The following LDHAL6A variants were observed in gnomAD, a reference collection of about 807,000 sequenced individuals.
LDHAL6A encodes the protein lactate dehydrogenase A like 6A.
Under a neutral mutation model 28.2 loss-of-function variants are expected in LDHAL6A, and 19 were observed. The ratio of observed to expected loss-of-function variants is 0.67; its 90% CI spans 0.47 to 0.99. The LOEUF is 0.99. Ranked by LOEUF, LDHAL6A falls within the 50% of genes least tolerant of loss-of-function variation. The pLI is 0.00. For missense variants in LDHAL6A, 372 were observed against 398.6 expected, an observed-to-expected ratio of 0.93 and a Z score of 0.57; for synonymous variants, 144 against 134.4, an observed-to-expected ratio of 1.07 and a Z score of -0.49.
Position 18,478,969 on chromosome 11 carries a change from A to AATTC in LDHAL6A, c.*100_*101insTTCA. ...TAAATTTGAATTTCTAAAAGTTGGAAAAATAGAGGAAAGAGTGACCTATTT... is the reference window on the plus strand; with the variant it reads ...TAAATTTGAATTTCTAAAAGTTGGAAATTCAAATAGAGGAAAGAGTGACCTATTT... On this transcript the variant is annotated 3_prime_UTR_variant, in exon 7 of 7. Transcript: ENST00000280706. 9.3e-7 allele frequency: 1 copy of AATTC among 1,079,786 alleles called. No homozygotes were observed. Among genetic ancestry groups the AATTC allele is most frequent in the Non-Finnish European group, 1.3e-6 (1 of 750,980 alleles). 66.9% of individuals were successfully genotyped at this position (1,079,786 alleles called of 1,614,324 possible). A position where few individuals can be genotyped will look rare whatever the true frequency, so the allele number is the denominator to read the frequency against.
rs201292298 is a variant in LDHAL6A at position 18,478,702 on chromosome 11, T to G, written c.835-4T>G. 1 of 1,600,534 alleles carries G rather than the reference T, an allele frequency of 6.2e-7. No individual in the cohort carries two copies. The highest frequency in any genetic ancestry group is 1.8e-5 in the Admixed American group (1 of 56,432). ...AGGAATAATTTTTAAGTCTTTACTT[T>G]CAGGGCCTCTATGGAATAAATGAAG... is the stretch of plus-strand genomic sequence containing the variant. On this transcript the variant is annotated splice_polypyrimidine_tract_variant and splice_region_variant and intron_variant, in intron 6 of 6. Coordinates refer to ENST00000280706, the MANE Select transcript of LDHAL6A (RefSeq NM_144972.5).
At chr11:18,463,519 T>G (rs1848977529) in intron 1 of LDHAL6A, among the ~76,000 whole-genome samples, 1 of 152,204 alleles carries the variant, frequency 6.6e-6, no homozygotes, top group African/African-American at 2.4e-5. Flanking sequence ...AGATACCATT[T>G]ATTCAAAAAA....
chr11:18,467,916 TATAC>T (rs1418690442), intron 3 of LDHAL6A, among the ~76,000 whole-genome samples: 1,775 of 54,836 alleles, frequency 0.032, 108 homozygotes, highest in East Asian at 0.055. Flanking sequence ...TATATATATA[TATAC>T]ACACACATAT....
intron 1 of LDHAL6A, among the ~76,000 whole-genome samples, chr11:18,462,672 A>C (rs1162047764): frequency 5.6e-4 from 83 of 149,402 alleles, no homozygotes; most frequent in African/African-American, 2.1e-3. Flanking sequence ...AAAAACAAAA[A>C]AAACCCAAAA....
In LDHAL6A at chr11:18,477,358, C is replaced by G. The variant is rs539685367; in HGVS notation, c.711-262C>G. Among the ~76,000 whole-genome samples, 11 of 151,864 alleles carry G rather than the reference C, an allele frequency of 7.2e-5. No homozygotes were observed. In the South Asian group the frequency reaches 1.7e-3, roughly 23 times the overall value. Reference sequence around the variant, plus strand: ...CTTGTAATCCCAGCTACTCAGGAGGCTGAGGAGGGAAGATTGCTTAAACCT... The same window carrying G: ...CTTGTAATCCCAGCTACTCAGGAGGGTGAGGAGGGAAGATTGCTTAAACCT... On this transcript the variant is annotated intron_variant, in intron 5 of 6. Transcript: ENST00000280706.
At chr11:18,468,041 ATATATACG>A (rs1350901352) in intron 3 of LDHAL6A, among the ~76,000 whole-genome samples, 25 of 13,380 alleles carry the variant, frequency 1.9e-3, no homozygotes, top group Admixed American at 5.6e-3. Context: ...ATATATACAT[ATATATACG>A]TATATATATA....
chr11:18,465,403 G>C (rs535939012), intron 2 of LDHAL6A, among the ~76,000 whole-genome samples: 1 of 149,696 alleles, frequency 6.7e-6, no homozygotes, highest in South Asian at 2.1e-4. Context: ...GATTACAGGG[G>C]TGAGCCACTG....
Position 18,465,778 on chromosome 11 carries a change from C to T in LDHAL6A, c.386C>T (p.Pro129Leu). ...LMIPNITQYSPHCKLLIVTNP... is the reference protein window; with the variant it reads ...LMIPNITQYSLHCKLLIVTNP... ...ATTCCCAATATTACCCAGTACAGTC[C>T]TCACTGCAAACTGCTTATTGTTACT... The change falls in exon 3 of 7, where the codon CCT (proline) becomes CTT (leucine). Residue 129 changes from proline (P) to leucine (L), a missense_variant. Transcript: ENST00000280706. The T allele has an allele frequency of 6.2e-7, 1 of 1,613,016 alleles. No homozygotes were observed. Among genetic ancestry groups the T allele is most frequent in the Non-Finnish European group, 8.5e-7 (1 of 1,179,614 alleles).
At position 18,479,128 on chromosome 11, in the gene LDHAL6A, G is replaced by C; in HGVS notation, c.*258G>C. 1 of 311,630 alleles carries C rather than the reference G, an allele frequency of 3.2e-6. No homozygotes were observed. Among genetic ancestry groups the C allele is most frequent in the Non-Finnish European group, 6.0e-6 (1 of 168,046 alleles). The allele number at this position is 311,630 out of a possible 1,614,324, so 19.3% of individuals were successfully genotyped here. On this transcript the variant is annotated 3_prime_UTR_variant, in exon 7 of 7. Coordinates refer to ENST00000280706, the MANE Select transcript of LDHAL6A (RefSeq NM_144972.5). ...GAGCTCAGGTGAGCCTCCCACTTCAGCCTCCAGAGTAGGTGGGACCACATG... is the reference window on the plus strand; with the variant it reads ...GAGCTCAGGTGAGCCTCCCACTTCACCCTCCAGAGTAGGTGGGACCACATG...
At position 18,464,980 on chromosome 11, in the gene LDHAL6A, T is replaced by TGTTTG. The variant is rs1565068700; in HGVS notation, c.245-657_245-656insGTTTG. Among the ~76,000 whole-genome samples the TGTTTG allele has an allele frequency of 1.5e-4, 21 of 135,962 alleles. 1 individual carries two copies. Among genetic ancestry groups the TGTTTG allele is most frequent in the African/African-American group, 6.1e-4 (20 of 32,802 alleles). The allele number at this position is 135,962 out of a possible 152,430, so 89.2% of individuals were successfully genotyped here. Reference sequence around the variant, plus strand: ...TAGGAGGTGAGGTGTTTTTTTTGTTTTTTTTTGTTTTGTTTTGTTTTGGTT... The same window carrying TGTTTG: ...TAGGAGGTGAGGTGTTTTTTTTGTTTGTTTGTTTTTTGTTTTGTTTTGTTTTGGTT... On this transcript the variant is annotated intron_variant, in intron 2 of 6. Coordinates refer to ENST00000280706, the MANE Select transcript of LDHAL6A (RefSeq NM_144972.5).
Position 18,477,710 on chromosome 11 carries a change from TAGG to T in LDHAL6A, c.804_806del (p.Arg269del), listed in dbSNP as rs528672622. Reference sequence around the variant, plus strand: ...TAACAGAAAGTATTTTGAAGAATCTTAGGAGAGTGCATCCAGTTTCTACCCTAA... The same window carrying T: ...TAACAGAAAGTATTTTGAAGAATCTTAGAGTGCATCCAGTTTCTACCCTAA... On this transcript the variant is annotated inframe_deletion, in exon 6 of 7. Transcript: ENST00000280706. 3.1e-4 allele frequency: 499 copies of T among 1,612,562 alleles called. 5 individuals are homozygous for T. In the South Asian group the frequency reaches 5.2e-3, roughly 17 times the overall value.
intron 2 of LDHAL6A, among the ~76,000 whole-genome samples, chr11:18,465,330 C>A (rs139663171): frequency 4.6e-5 from 7 of 151,728 alleles, no homozygotes; most frequent in Admixed American, 6.6e-5. Flanking sequence ...GCCATGTTGG[C>A]CAGTCTGGTC....
At chr11:18,463,845 C>T in intron 1 of LDHAL6A, 116 bp from the exon 2 acceptor site, 3 of 665,718 alleles carry the variant, frequency 4.5e-6, no homozygotes, top group Non-Finnish European at 5.4e-6. Context: ...TATTATGTTT[C>T]CTTTGATTTT....
In LDHAL6A at chr11:18,476,484, CA is replaced by C; in HGVS notation, c.699del (p.Val234Ter). On this transcript the variant is annotated frameshift_variant, in exon 5 of 7. Transcript: ENST00000280706. LOFTEE classifies it high-confidence loss of function. ...KDPEQWENVH[K>X]KVISSGYEMV... ...ATCCTGAGCAGTGGGAAAATGTCCA[CA>C]AAAAAGTGATTTCCAGGTAATATGC... The C allele has an allele frequency of 6.2e-7, 1 of 1,612,230 alleles. No individual in the cohort carries two copies. The highest frequency in any genetic ancestry group is 8.5e-7 in the Non-Finnish European group (1 of 1,179,508).
chr11:18,467,908 TATATATATATACACACAC>T (rs1565070925), intron 3 of LDHAL6A, among the ~76,000 whole-genome samples: 2 of 73,724 alleles, frequency 2.7e-5, no homozygotes, highest in Non-Finnish European at 4.7e-5. Context: ...TATATATATA[TATATATATATACACACAC>T]ATATATATAT....
rs138755561 is a variant in LDHAL6A, at chr11:18,476,416, G to A, written c.625G>A (p.Val209Ile). The A allele has an allele frequency of 6.0e-5, 97 of 1,613,920 alleles. No homozygotes were observed. The highest frequency in any genetic ancestry group is 1.2e-4 in the Admixed American group (7 of 59,996). ...PVWSGVNIAG[V>I]PLKDLNPDIG... ...GTGGAGTGGTGTGAACATTGCTGGCGTCCCTCTGAAGGATCTGAACCCAGA... is the reference window on the plus strand; with the variant it reads ...GTGGAGTGGTGTGAACATTGCTGGCATCCCTCTGAAGGATCTGAACCCAGA... Residue 209 changes from valine (V) to isoleucine (I), a missense_variant, in exon 5 of 7, where the codon GTC becomes ATC. Val to Ile is a conservative substitution (Grantham distance 29). This residue lies in a region of LDHAL6A where 291 missense variants were observed against 302.9 expected (regional missense o/e 0.96). Transcript: ENST00000280706.
At chr11:18,471,874 T>TA (rs1280603992) in intron 3 of LDHAL6A, among the ~76,000 whole-genome samples, 3 of 151,394 alleles carry the variant, frequency 2.0e-5, no homozygotes, top group Admixed American at 6.6e-5. Context: ...TTTTTTTTTT[T>TA]ACAAATTAAA....
intron 5 of LDHAL6A, among the ~76,000 whole-genome samples, chr11:18,477,381 C>T (rs747475752): frequency 5.3e-5 from 8 of 151,864 alleles, no homozygotes; most frequent in Non-Finnish European, 1.2e-4. Flanking sequence ...ATTGCTTAAA[C>T]CTGGGAGGTG....
In LDHAL6A at chr11:18,478,904, G is replaced by GA; in HGVS notation, c.*37dup. ...AAAGCTAATTCTGTAGATTGAAGAT[G>GA]AAATAGTAGTTATGGAATTGTATAT... is the stretch of plus-strand genomic sequence containing the variant. On this transcript the variant is annotated 3_prime_UTR_variant, in exon 7 of 7. Transcript: ENST00000280706. The GA allele has an allele frequency of 2.6e-6, 4 of 1,532,962 alleles. No individual in the cohort carries two copies. Among genetic ancestry groups the GA allele is most frequent in the Non-Finnish European group, 3.6e-6 (4 of 1,125,240 alleles). The allele number at this position is 1,532,962 out of a possible 1,614,324, so 95.0% of individuals were successfully genotyped here. A position where few individuals can be genotyped will look rare whatever the true frequency, so the allele number is the denominator to read the frequency against.
Sources: allele counts gnomAD v4.1 joint callset (sites outside exome capture counted in the v4.1 genomes callset), GRCh38; gene constraint gnomAD v4.1.1; regional missense constraint gnomAD v4.1.1; transcripts MANE v1.5; gene names NCBI Gene and HGNC (gene_info 2026-07-23, HGNC 2026-07-21).